NAA60: variants seen among roughly 807,000 people sequenced by gnomAD.
NAA60 encodes N-alpha-acetyltransferase 60, NatF catalytic subunit, also known as N-alpha-acetyltransferase 60.
Under a neutral mutation model 26.1 loss-of-function variants are expected in NAA60, and 8 were observed. The ratio of observed to expected loss-of-function variants is 0.31; its 90% CI spans 0.18 to 0.55. The LOEUF (loss-of-function observed/expected upper bound fraction) is 0.55, where lower values mean the gene tolerates loss of function less well. NAA60 is among the 20% of genes least tolerant of loss of function. The pLI, the probability that NAA60 is intolerant of heterozygous loss-of-function variation, is 0.93. For missense variants in NAA60, 290 were observed against 311.3 expected, an observed-to-expected ratio of 0.93 and a Z score of 0.51; for synonymous variants, 131 against 122.5, an observed-to-expected ratio of 1.07 and a Z score of -0.46.
chr16:3,449,770 T>C (rs2034700467), intron 2 of NAA60, among the ~76,000 whole-genome samples: 1 of 152,116 alleles, frequency 6.6e-6, no homozygotes, highest in Admixed American at 6.5e-5. Flanking sequence ...AATTGAATCG[T>C]GGGGCAGGTC....
intron 2 of NAA60, among the ~76,000 whole-genome samples, chr16:3,457,178 G>T (rs2035034977): frequency 6.6e-6 from 1 of 152,170 alleles, no homozygotes; most frequent in African/African-American, 2.4e-5. Flanking sequence ...GGTCGTGGTG[G>T]CTCACGTCAG....
rs1596362845 is a variant in NAA60, at chr16:3,483,265, G to T, written c.338-98G>T. On this transcript the variant is annotated intron_variant, in intron 5 of 7. Transcript: ENST00000407558. ...GCTGGTCTCTGATACGGTGGGCCGA[G>T]ACATCTCCGAGAGACTCATGCAAAG... 4.6e-6 allele frequency: 4 copies of T among 878,780 alleles called. No homozygotes were observed. The East Asian group carries it at 1.1e-4, about 23-fold the overall frequency. 54.4% of individuals were successfully genotyped at this position (878,780 alleles called of 1,614,324 possible).
At chr16:3,478,822 C>A (rs1218649291) in intron 3 of NAA60, among the ~76,000 whole-genome samples, 1 of 152,208 alleles carries the variant, frequency 6.6e-6, no homozygotes, top group Non-Finnish European at 1.5e-5. Flanking sequence ...CGTAGGCACT[C>A]CTCCAGTGTC....
chr16:3,449,510 T>TCTGATATGGTTTGG (rs2034688306), intron 2 of NAA60, among the ~76,000 whole-genome samples: 1 of 151,502 alleles, frequency 6.6e-6, no homozygotes, highest in Non-Finnish European at 1.5e-5. Context: ...AGAGCAAGAC[T>TCTGATATGGTTTGG]CTGTCTCAGA....
chr16:3,484,580 C>A, intron 6 of NAA60, 119 bp from the exon 7 acceptor site: 2 of 1,349,722 alleles, frequency 1.5e-6, no homozygotes, highest in Non-Finnish European at 2.0e-6. Context: ...GGCTCTCAGC[C>A]TCCGAAGCCT....
chr16:3,443,727 C>T lies in NAA60; in HGVS notation c.-187C>T, dbSNP rs758255661. The stretch of plus-strand genomic sequence containing the variant: ...CTCCGTGAGCTCCGGGCCTGTTTGC[C>T]TGCTGAAGTAGAGTCTTAGGGTGAC... On this transcript the variant is annotated 5_prime_UTR_variant, in exon 1 of 8. Transcript: ENST00000407558. The T allele has an allele frequency of 2.8e-5, 42 of 1,479,228 alleles. No individual in the cohort carries two copies. The highest frequency in any genetic ancestry group is 3.6e-5 in the Non-Finnish European group (40 of 1,117,506). The allele number at this position is 1,479,228 out of a possible 1,614,324, so 91.6% of individuals were successfully genotyped here.
At chr16:3,461,273 G>A (rs1436577335) in intron 2 of NAA60, among the ~76,000 whole-genome samples, 1 of 152,190 alleles carries the variant, frequency 6.6e-6, no homozygotes, top group African/African-American at 2.4e-5. Flanking sequence ...CTGAACCGGG[G>A]GAGCCAGGGC....
chr16:3,460,682 C>A (rs1422167881), intron 2 of NAA60, among the ~76,000 whole-genome samples: 1 of 152,200 alleles, frequency 6.6e-6, no homozygotes, highest in African/African-American at 2.4e-5. Flanking sequence ...ATGGCTTTTA[C>A]ACCTCTTTTC....
intron 2 of NAA60, among the ~76,000 whole-genome samples, chr16:3,461,016 C>T (rs533334044): frequency 8.1e-5 from 12 of 148,880 alleles, no homozygotes; most frequent in Admixed American, 5.4e-4. Flanking sequence ...CATCCTCCAA[C>T]CTCAGCCTCC....
At chr16:3,473,967 C>G (rs2036315393) in intron 2 of NAA60, among the ~76,000 whole-genome samples, 2 of 152,112 alleles carry the variant, frequency 1.3e-5, no homozygotes, top group Admixed American at 1.3e-4. Flanking sequence ...CTACTGACCT[C>G]AGGTGATCCA....
intron 6 of NAA60, 26 bp from the exon 7 acceptor site, chr16:3,484,673 C>T (rs776288324): frequency 7.6e-6 from 12 of 1,571,966 alleles, no homozygotes; most frequent in Middle Eastern, 1.7e-4. Flanking sequence ...CAGGGCAAGT[C>T]GGAATCTTCC....
intron 2 of NAA60, among the ~76,000 whole-genome samples, chr16:3,460,635 G>T (rs964357847): frequency 1.3e-5 from 2 of 152,208 alleles, no homozygotes; most frequent in Non-Finnish European, 2.9e-5. Flanking sequence ...AAAGTTCTGG[G>T]ATTACAGGCG....
chr16:3,445,571 C>T lies in NAA60; in HGVS notation c.-77+1734C>T, dbSNP rs557891508. 4.9e-4 allele frequency among the ~76,000 whole-genome samples: 75 copies of T among 151,844 alleles called. 1 individual carries two copies. Among genetic ancestry groups the T allele is most frequent in the Non-Finnish European group, 7.8e-4 (53 of 67,966 alleles). On this transcript the variant is annotated intron_variant, in intron 1 of 7. Transcript: ENST00000407558. ...ATTACAAGCGTGAGCCACCGCGCCCCGCCTATTTAATGCTATTCTTACATC... is the reference window on the plus strand; with the variant it reads ...ATTACAAGCGTGAGCCACCGCGCCCTGCCTATTTAATGCTATTCTTACATC...
rs376460200 is a variant in NAA60 at position 3,476,347 on chromosome 16, G to A, written c.110+10G>A. 1 of 1,610,628 alleles carries A rather than the reference G, an allele frequency of 6.2e-7. No individual in the cohort carries two copies. Among genetic ancestry groups the A allele is most frequent in the Non-Finnish European group, 8.5e-7 (1 of 1,177,288 alleles). On this transcript the variant is annotated intron_variant, in intron 3 of 7. Coordinates refer to ENST00000407558, the MANE Select transcript of NAA60 (RefSeq NM_001083601.3). ...ACTGGTTCCCCATCGAGTAAGTGGA[G>A]CGGATTGCAGGGTTGGGGAGAGCCC...
intron 2 of NAA60, among the ~76,000 whole-genome samples, chr16:3,467,101 A>C (rs972996611): frequency 6.6e-6 from 1 of 152,112 alleles, no homozygotes; most frequent in Admixed American, 6.6e-5. Context: ...CCAGAGAGAA[A>C]GAGCCTGAGG....
chr16:3,446,619 G>GT (rs34330542), intron 1 of NAA60, among the ~76,000 whole-genome samples: 64,699 of 138,632 alleles, frequency 0.47, 15,580 homozygotes, highest in East Asian at 0.65. Flanking sequence ...TTTATTATTT[G>GT]TTTTTTTTTT....
rs531140812 is a variant in NAA60 at position 3,481,342 on chromosome 16, G to T, written c.241-1160G>T. Among the ~76,000 whole-genome samples, 27 of 152,210 alleles carry T rather than the reference G, an allele frequency of 1.8e-4. 2 individuals carry two copies. The South Asian group carries it at 5.2e-3, about 29-fold the overall frequency. On this transcript the variant is annotated intron_variant, in intron 4 of 7. Transcript: ENST00000407558. ...TGGCCTCAAGTGATCCGCCTGCCTC[G>T]CGGGAGTGCTAGGATTACAGGTGTG...
chr16:3,467,987 C>T (rs765771723), intron 2 of NAA60: 5 of 152,124 alleles, frequency 3.3e-5, no homozygotes, highest in Non-Finnish European at 7.3e-5. Flanking sequence ...GTTTAAATAC[C>T]CTCTAGAGGT....
chr16:3,444,235 G>A (rs1189857174), intron 1 of NAA60, among the ~76,000 whole-genome samples: 2 of 152,116 alleles, frequency 1.3e-5, no homozygotes, highest in Non-Finnish European at 2.9e-5. Context: ...GCTGGGGGAG[G>A]AGGGAGTGCC....
Sources: allele counts gnomAD v4.1 joint callset (sites outside exome capture counted in the v4.1 genomes callset), GRCh38; gene constraint gnomAD v4.1.1; transcripts MANE v1.5; gene names NCBI Gene and HGNC (gene_info 2026-07-23, HGNC 2026-07-21).